MROH9: variants seen among roughly 807,000 people sequenced by gnomAD.
MROH9 encodes maestro heat-like repeat-containing protein family member 9.
MROH9 carries 92 observed loss-of-function variants against 98.2 expected under a neutral mutation model. The observed-to-expected ratio is 0.94, with a 90% CI of 0.79 to 1.11. The LOEUF is 1.11. Among genes scored for constraint, MROH9 ranks in the 50% most tolerant of loss-of-function variants. The pLI is 0.00. For synonymous variants in MROH9, 397 were observed against 368.9 expected (o/e 1.08, Z -0.87); for missense variants, 1,057 against 1,014.8 (o/e 1.04, Z -0.57).
intron 20 of MROH9, among the ~76,000 whole-genome samples, chr1:171,043,284 T>C (rs1304129794): frequency 2.6e-5 from 4 of 152,140 alleles, no homozygotes; most frequent in African/African-American, 9.7e-5. Context: ...ATGAGTTTAC[T>C]GTGGGTGTGT....
intron 15 of MROH9, among the ~76,000 whole-genome samples, chr1:171,000,527 G>A (rs948630406): frequency 6.6e-6 from 1 of 152,010 alleles, no homozygotes; most frequent in Non-Finnish European, 1.5e-5. Flanking sequence ...CTATGTTTCT[G>A]TGGTTTATCA....
At chr1:170,977,797 T>C (rs1319856682) in intron 8 of MROH9, among the ~76,000 whole-genome samples, 3 of 152,100 alleles carry the variant, frequency 2.0e-5, no homozygotes, top group Non-Finnish European at 4.4e-5. Context: ...TGGCCAAGGA[T>C]CTTTTACTTG....
At chr1:170,950,166 G>A (rs1164228007) in intron 3 of MROH9, among the ~76,000 whole-genome samples, 1 of 152,038 alleles carries the variant, frequency 6.6e-6, no homozygotes, top group Non-Finnish European at 1.5e-5. Context: ...ACAGTTGCTG[G>A]TCTAAGCACC....
At chr1:171,014,316 C>A in intron 16 of MROH9, 62 bp downstream of exon 16, 1 of 1,419,422 alleles carries the variant, frequency 7.0e-7, no homozygotes, top group East Asian at 2.5e-5. Context: ...ATTTTGATGT[C>A]ACTTAACATC....
At position 170,965,201 on chromosome 1, in the gene MROH9, A is replaced by G. The variant is rs1231101207; in HGVS notation, c.426A>G (p.Ile142Met). 16 of 1,612,180 alleles carry G rather than the reference A, an allele frequency of 9.9e-6. No individual in the cohort carries two copies. In the Middle Eastern group the frequency reaches 5.0e-4, roughly 50 times the overall value. ...ATAGCTCATATCTGCAAGAGAGAAT[A>G]ATGGTGATCATCAACAAGGTGTTAA... ...SKDSSYLQERIMVIINKVLRF... is the reference protein window; with the variant it reads ...SKDSSYLQERMMVIINKVLRF... Residue 142 changes from isoleucine (I) to methionine (M), a missense_variant, in exon 7 of 22, where the codon ATA (isoleucine) becomes ATG (methionine). Physicochemically the swap from Ile to Met is conservative, Grantham distance 10 (BLOSUM62 1). Coordinates refer to ENST00000367759, the MANE Select transcript of MROH9 (RefSeq NM_001163629.2).
chr1:170,984,198 A>C (rs1173279883), intron 9 of MROH9, among the ~76,000 whole-genome samples: 1 of 152,194 alleles, frequency 6.6e-6, no homozygotes, highest in East Asian at 1.9e-4. Context: ...TAGTTCAGCA[A>C]AACTTCTGAG....
intron 20 of MROH9, among the ~76,000 whole-genome samples, chr1:171,051,337 C>G (rs1181988447): frequency 1.3e-5 from 2 of 151,864 alleles, no homozygotes; most frequent in African/African-American, 2.4e-5. Flanking sequence ...TAGAATAAGC[C>G]TAAACATCCA....
chr1:170,973,949 A>G (rs1650582623), intron 8 of MROH9, among the ~76,000 whole-genome samples: 1 of 152,240 alleles, frequency 6.6e-6, no homozygotes, highest in Non-Finnish European at 1.5e-5. Context: ...TAGAAGATAA[A>G]AACATCTTAA....
Position 171,026,213 on chromosome 1 carries a change from G to GCA in MROH9, c.2281+807_2281+808dup, listed in dbSNP as rs147755079. Among the ~76,000 whole-genome samples the GCA allele has an allele frequency of 2.5e-3, 376 of 149,926 alleles. 5 individuals are homozygous for GCA. Among genetic ancestry groups the GCA allele is most frequent in the African/African-American group, 8.2e-3 (332 of 40,522 alleles). Reference sequence around the variant, plus strand: ...CACACACAGACACAGGCACGTGCGCGCACACACACACACACCCTCACAAAG... The same window carrying GCA: ...CACACACAGACACAGGCACGTGCGCGCACACACACACACACACCCTCACAAAG... On this transcript the variant is annotated intron_variant, in intron 20 of 21. Coordinates refer to ENST00000367759, the MANE Select transcript of MROH9 (RefSeq NM_001163629.2).
intron 20 of MROH9, among the ~76,000 whole-genome samples, chr1:171,036,099 A>G (rs1653090216): frequency 6.6e-6 from 1 of 152,172 alleles, no homozygotes; most frequent in South Asian, 2.1e-4. Flanking sequence ...GGAAGCTTAC[A>G]ACGTTGAAAT....
chr1:170,950,642 T>A (rs1478304416), intron 3 of MROH9, among the ~76,000 whole-genome samples: 1 of 152,146 alleles, frequency 6.6e-6, no homozygotes, highest in Non-Finnish European at 1.5e-5. Flanking sequence ...ACGTTCACTG[T>A]TTACGCTTTT....
At chr1:171,052,847 A>G (rs1383972144) in intron 20 of MROH9, among the ~76,000 whole-genome samples, 2 of 152,264 alleles carry the variant, frequency 1.3e-5, no homozygotes, top group Admixed American at 1.3e-4. Flanking sequence ...ATGCCTGAAA[A>G]TACGCCTTAG....
chr1:170,984,714 A>C (rs997719362), intron 9 of MROH9, among the ~76,000 whole-genome samples: 1 of 152,150 alleles, frequency 6.6e-6, no homozygotes, highest in African/African-American at 2.4e-5. Flanking sequence ...AGGTGTAAAA[A>C]TCCTTGGGCT....
At chr1:170,953,439 G>T (rs1232065365) in intron 3 of MROH9, among the ~76,000 whole-genome samples, 1 of 151,696 alleles carries the variant, frequency 6.6e-6, no homozygotes, top group African/African-American at 2.4e-5. Context: ...ACCAAAAATG[G>T]CTGTTTTCTT....
intron 20 of MROH9, among the ~76,000 whole-genome samples, chr1:171,056,441 G>A (rs1282629284): frequency 6.6e-6 from 1 of 152,162 alleles, no homozygotes; most frequent in East Asian, 1.9e-4. Context: ...GCTTCCTGCA[G>A]GAAATCCAAC....
intron 9 of MROH9, 102 bp downstream of exon 9, chr1:170,983,636 T>A (rs903670962): frequency 2.9e-6 from 2 of 682,856 alleles, no homozygotes; most frequent in African/African-American, 3.7e-5. Flanking sequence ...TATTTTTTCG[T>A]TTTTTTTTAA....
chr1:171,007,643 A>G (rs1652007847), intron 15 of MROH9, among the ~76,000 whole-genome samples: 1 of 152,212 alleles, frequency 6.6e-6, no homozygotes, highest in South Asian at 2.1e-4. Context: ...CAAAGTTAGC[A>G]GTCCAGCCTG....
In MROH9 at chr1:170,996,525, G is replaced by T; in HGVS notation, c.1356G>T (p.Leu452=). Reference sequence around the variant, plus strand: ...GCTTTAGGTATGCCCAGGATGCCCTGAGAGTTCTGCTGAATTGTTCTGGAC... The same window carrying T: ...GCTTTAGGTATGCCCAGGATGCCCTTAGAGTTCTGCTGAATTGTTCTGGAC... ...KDRALYAQDA[L]RVLLNCSGLQ... Residue 452 remains leucine, a synonymous_variant, in exon 14 of 22, where the codon CTG becomes CTT. Coordinates refer to ENST00000367759, the MANE Select transcript of MROH9 (RefSeq NM_001163629.2). The T allele has an allele frequency of 6.2e-7, 1 of 1,613,412 alleles. No individual in the cohort carries two copies. Among genetic ancestry groups the T allele is most frequent in the Non-Finnish European group, 8.5e-7 (1 of 1,179,586 alleles).
chr1:170,976,151 T>G lies in MROH9; in HGVS notation c.616+4268T>G, dbSNP rs115487786. Among the ~76,000 whole-genome samples the G allele has an allele frequency of 7.3e-3, 1,115 of 152,290 alleles. 9 individuals are homozygous for G. The highest frequency in any genetic ancestry group is 0.011 in the Non-Finnish European group (775 of 68,032). On this transcript the variant is annotated intron_variant, in intron 8 of 21. Coordinates refer to ENST00000367759, the MANE Select transcript of MROH9 (RefSeq NM_001163629.2). ...AATTGGAGCATTTAGCCCATTTACC[T>G]TCAAGGTTTGTGTTATTTATGGATT...
Sources: gnomAD v4.1 joint callset for allele counts (sites outside exome capture counted in the v4.1 genomes callset) on GRCh38, gnomAD v4.1.1 for gene constraint, MANE v1.5 for transcripts, NCBI Gene and HGNC (gene_info 2026-07-23, HGNC 2026-07-21) for gene names.